NR3C2: variants seen among roughly 807,000 people sequenced by gnomAD.
NR3C2 encodes the protein mineralocorticoid receptor.
In NR3C2, 15 loss-of-function variants were observed where a neutral mutation model predicts 86.4. The ratio of observed to expected loss-of-function variants is 0.17; its 90% CI spans 0.12 to 0.27. The LOEUF (loss-of-function observed/expected upper bound fraction) is 0.27, where lower values mean the gene tolerates loss of function less well. Among genes scored for constraint, NR3C2 ranks in the 10% least tolerant of loss-of-function variants. The pLI is 1.00. For synonymous variants in NR3C2, 458 were observed against 450.5 expected, an observed-to-expected ratio of 1.02 and a Z score of -0.21; for missense variants, 960 against 1,195.6, an observed-to-expected ratio of 0.80 and a Z score of 2.91.
chr4:148,185,620 C>T (rs1735855252), intron 4 of NR3C2, among the ~76,000 whole-genome samples: 1 of 152,176 alleles, frequency 6.6e-6, no homozygotes, highest in Non-Finnish European at 1.5e-5. Flanking sequence ...CTTATCGCAT[C>T]TTCTAGCTAC....
intron 3 of NR3C2, among the ~76,000 whole-genome samples, chr4:148,202,769 C>A (rs959764857): frequency 6.6e-6 from 1 of 152,076 alleles, no homozygotes; most frequent in Non-Finnish European, 1.5e-5. Flanking sequence ...CTAAGAAAGG[C>A]CCTAAGGTTC....
intron 8 of NR3C2, among the ~76,000 whole-genome samples, chr4:148,113,632 G>T (rs1732141487): frequency 6.6e-6 from 1 of 152,158 alleles, no homozygotes; most frequent in Non-Finnish European, 1.5e-5. Flanking sequence ...AATAACTCAA[G>T]CATACCCTGA....
intron 3 of NR3C2, among the ~76,000 whole-genome samples, chr4:148,218,401 A>G (rs1737656895): frequency 6.6e-6 from 1 of 152,236 alleles, no homozygotes; most frequent in African/African-American, 2.4e-5. Flanking sequence ...CTCTATAGCC[A>G]AAAGGCTATA....
chr4:148,313,221 T>C (rs1468591730), intron 2 of NR3C2, among the ~76,000 whole-genome samples: 3 of 152,168 alleles, frequency 2.0e-5, no homozygotes, highest in Admixed American at 6.5e-5. Context: ...GCAGACTTAT[T>C]CCAATCTATT....
intron 2 of NR3C2, among the ~76,000 whole-genome samples, chr4:148,423,502 T>C (rs1749380221): frequency 6.6e-6 from 1 of 152,188 alleles, no homozygotes; most frequent in Non-Finnish European, 1.5e-5. Context: ...GAACTCTTCC[T>C]TCTCTAATCT....
chr4:148,443,724 G>C (rs527441982), upstream of NR3C2, among the ~76,000 whole-genome samples: 1 of 152,082 alleles, frequency 6.6e-6, no homozygotes, highest in East Asian at 1.9e-4. Context: ...CCCGCAGCCC[G>C]GCGGCGGCAG....
chr4:148,318,916 A>T (rs549312514), intron 2 of NR3C2, among the ~76,000 whole-genome samples: 39 of 150,280 alleles, frequency 2.6e-4, no homozygotes, highest in Non-Finnish European at 5.6e-4. Flanking sequence ...TTTTGTTGCC[A>T]TTGCTTTTGG....
intron 2 of NR3C2, among the ~76,000 whole-genome samples, chr4:148,342,048 G>T (rs1266048450): frequency 1.3e-5 from 2 of 152,024 alleles, no homozygotes; most frequent in Non-Finnish European, 2.9e-5. Flanking sequence ...GTCTTACTCT[G>T]GTTTTACATG....
At chr4:148,191,819 A>G (rs1334494445) in intron 4 of NR3C2, among the ~76,000 whole-genome samples, 2 of 152,186 alleles carry the variant, frequency 1.3e-5, no homozygotes, top group Non-Finnish European at 2.9e-5. Context: ...AAGTGTGTCC[A>G]AAGTTTCCAG....
intron 2 of NR3C2, among the ~76,000 whole-genome samples, chr4:148,351,585 G>A (rs1395471048): frequency 6.6e-6 from 1 of 152,136 alleles, no homozygotes; most frequent in Non-Finnish European, 1.5e-5. Context: ...CAGACCCCAG[G>A]CCTCATGGCT....
At chr4:148,121,968 C>G (rs1732523680) in intron 6 of NR3C2, among the ~76,000 whole-genome samples, 1 of 151,312 alleles carries the variant, frequency 6.6e-6, no homozygotes, top group Non-Finnish European at 1.5e-5. Context: ...AGAATGAAAA[C>G]AGAACTTCTG....
At chr4:148,257,363 T>A (rs551723554) in intron 3 of NR3C2, among the ~76,000 whole-genome samples, 1 of 152,298 alleles carries the variant, frequency 6.6e-6, no homozygotes, top group South Asian at 2.1e-4. Context: ...CAAGGAGGCA[T>A]GAATAGACTA....
intron 4 of NR3C2, among the ~76,000 whole-genome samples, chr4:148,172,735 A>G (rs1380628091): frequency 6.6e-6 from 1 of 152,226 alleles, no homozygotes. Flanking sequence ...GAAAGACAAA[A>G]GGACAATTCT....
At chr4:148,379,765 T>G (rs1415655185) in intron 2 of NR3C2, among the ~76,000 whole-genome samples, 1 of 152,006 alleles carries the variant, frequency 6.6e-6, no homozygotes, top group Non-Finnish European at 1.5e-5. Context: ...AAATATATTT[T>G]CAAAGCTTAA....
chr4:148,317,592 T>C (rs1016301854), intron 2 of NR3C2, among the ~76,000 whole-genome samples: 4 of 152,172 alleles, frequency 2.6e-5, no homozygotes, highest in Admixed American at 6.5e-5. Context: ...AGAGGGAGTA[T>C]GAGAATTTGT....
At chr4:148,200,387 A>G (rs987129669) in intron 3 of NR3C2, among the ~76,000 whole-genome samples, 4 of 140,330 alleles carry the variant, frequency 2.9e-5, no homozygotes, top group African/African-American at 1.1e-4. Flanking sequence ...CTATATGCCC[A>G]ATTTTAAAGC....
chr4:148,236,842 T>C (rs79251789), intron 3 of NR3C2, among the ~76,000 whole-genome samples: 1,790 of 152,264 alleles, frequency 0.012, 31 homozygotes, highest in African/African-American at 0.041. Flanking sequence ...AGGGTAACTC[T>C]AGTTATAAAC....
intron 2 of NR3C2, among the ~76,000 whole-genome samples, chr4:148,261,814 T>C (rs1485319999): frequency 1.3e-5 from 2 of 152,236 alleles, no homozygotes; most frequent in Non-Finnish European, 1.5e-5. Context: ...AATGTGATAA[T>C]AATGCGTTAA....
At chr4:148,428,537 T>C (rs1512344) in intron 2 of NR3C2, among the ~76,000 whole-genome samples, 65,445 of 152,062 alleles carry the variant, frequency 0.43, 16,370 homozygotes, top group East Asian at 0.75. Context: ...GCCAGTAACT[T>C]ACCCATACTA....
Sources: gnomAD v4.1 joint callset for allele counts (sites outside exome capture counted in the v4.1 genomes callset) on GRCh38, gnomAD v4.1.1 for gene constraint, MANE v1.5 for transcripts, NCBI Gene and HGNC (gene_info 2026-07-23, HGNC 2026-07-21) for gene names.